The following CTNNA2 variants were observed in gnomAD, a reference collection of about 807,000 sequenced individuals.
The protein encoded by CTNNA2 is catenin alpha 2, also known as catenin alpha-2.
A neutral mutation model predicts 101.0 loss-of-function variants in CTNNA2; 42 were observed. The ratio of observed to expected loss-of-function variants is 0.42; its 90% confidence interval spans 0.32 to 0.54. The LOEUF (loss-of-function observed/expected upper bound fraction) is 0.54, where lower values mean the gene tolerates loss of function less well. Among genes scored for constraint, CTNNA2 ranks in the 20% least tolerant of loss-of-function variants. The probability of loss-of-function intolerance (pLI) is 0.14; values close to 1 mark genes in which losing one functional copy is unlikely to be tolerated. For synonymous variants in CTNNA2, 450 were observed against 456.4 expected, an observed-to-expected ratio of 0.99 and a Z score of 0.18; for missense variants, 871 against 1,223.1, an observed-to-expected ratio of 0.71 and a Z score of 4.29.
At chr2:79,295,028 T>C (rs1453392652) in intron 2 of CTNNA2, among the ~76,000 whole-genome samples, 2 of 142,794 alleles carry the variant, frequency 1.4e-5, no homozygotes, top group East Asian at 3.9e-4. Context: ...TGTGTATGCG[T>C]GTGTGTATTT....
At chr2:80,632,383 A>T (rs1223997834) in intron 18 of CTNNA2, among the ~76,000 whole-genome samples, 32 of 152,072 alleles carry the variant, frequency 2.1e-4, no homozygotes, top group Admixed American at 2.1e-3. Context: ...ATCACCAAGG[A>T]CAGGCTCATC....
chr2:79,459,861 T>C (rs893039022), intron 4 of CTNNA2, among the ~76,000 whole-genome samples: 4 of 152,232 alleles, frequency 2.6e-5, no homozygotes, highest in African/African-American at 9.6e-5. Flanking sequence ...ATTCAACTCT[T>C]ACGTTGCAGC....
intron 7 of CTNNA2, among the ~76,000 whole-genome samples, chr2:80,362,824 C>T (rs993773143): frequency 4.0e-5 from 6 of 151,828 alleles, no homozygotes; most frequent in South Asian, 2.1e-4. Context: ...GTAGTATTAA[C>T]AATAAATGTT....
intron 1 of CTNNA2, among the ~76,000 whole-genome samples, chr2:79,534,905 A>T (rs967696401): frequency 8.6e-5 from 13 of 151,714 alleles, no homozygotes; most frequent in East Asian, 3.9e-4. Flanking sequence ...GAAGGGTGAA[A>T]AAAAAAAACT....
intron 11 of CTNNA2, among the ~76,000 whole-genome samples, chr2:80,553,881 G>A (rs997337): frequency 1.3e-5 from 2 of 151,886 alleles, no homozygotes; most frequent in African/African-American, 4.8e-5. Flanking sequence ...GTGTTCACAT[G>A]TTTAATCATG....
intron 7 of CTNNA2, among the ~76,000 whole-genome samples, chr2:80,281,357 G>C (rs911224878): frequency 5.3e-5 from 8 of 152,112 alleles, no homozygotes; most frequent in Non-Finnish European, 1.2e-4. Flanking sequence ...CAGCTTCTGA[G>C]GGTTTAATCT....
chr2:80,420,034 GAAAAA>G (rs527701227), intron 9 of CTNNA2, among the ~76,000 whole-genome samples: 31 of 37,548 alleles, frequency 8.3e-4, no homozygotes, highest in African/African-American at 2.0e-3. Context: ...GGGAACTTGT[GAAAAA>G]AAAAAAAAAA....
chr2:80,364,750 A>G (rs1674759515), intron 7 of CTNNA2, among the ~76,000 whole-genome samples: 1 of 152,074 alleles, frequency 6.6e-6, no homozygotes, highest in Admixed American at 6.6e-5. Context: ...GCCTGCAGAG[A>G]ATCCTTTTGT....
At chr2:80,203,040 T>G (rs557324420) in intron 7 of CTNNA2, among the ~76,000 whole-genome samples, 19 of 152,278 alleles carry the variant, frequency 1.2e-4, no homozygotes, top group Middle Eastern at 3.4e-3. Flanking sequence ...AACCATGAGC[T>G]CTCATGACAC....
chr2:79,273,174 A>G (rs56030412), intron 2 of CTNNA2, among the ~76,000 whole-genome samples: 8 of 152,040 alleles, frequency 5.3e-5, no homozygotes, highest in African/African-American at 1.9e-4. Flanking sequence ...TATAATATTT[A>G]TTTTGTATCA....
chr2:79,644,026 T>G (rs1426197770), intron 1 of CTNNA2, among the ~76,000 whole-genome samples: 3 of 152,046 alleles, frequency 2.0e-5, no homozygotes, highest in Non-Finnish European at 4.4e-5. Context: ...AGGAGAAAGA[T>G]CTGATTTTTG....
At chr2:80,111,813 C>A (rs950020460) in intron 7 of CTNNA2, among the ~76,000 whole-genome samples, 6 of 152,190 alleles carry the variant, frequency 3.9e-5, no homozygotes, top group African/African-American at 1.4e-4. Flanking sequence ...TAGGCATGAG[C>A]CACTGTGTTT....
chr2:80,434,939 T>C (rs1198827396), intron 9 of CTNNA2, among the ~76,000 whole-genome samples: 1 of 152,148 alleles, frequency 6.6e-6, no homozygotes, highest in Non-Finnish European at 1.5e-5. Flanking sequence ...GTAGAGATTA[T>C]GGAAATCAAA....
chr2:79,202,629 A>G (rs1674051973), intron 2 of CTNNA2, among the ~76,000 whole-genome samples: 2 of 152,258 alleles, frequency 1.3e-5, no homozygotes, highest in South Asian at 4.1e-4. Flanking sequence ...ATTTTCTTTA[A>G]TCCTATGAGA....
intron 2 of CTNNA2, among the ~76,000 whole-genome samples, chr2:79,666,860 G>GTTCA (rs1332418888): frequency 6.6e-6 from 1 of 152,180 alleles, no homozygotes; most frequent in African/African-American, 2.4e-5. Flanking sequence ...TACATCTCCA[G>GTTCA]TTCACCTGTC....
chr2:80,444,680 G>A (rs1362547930), intron 9 of CTNNA2, among the ~76,000 whole-genome samples: 1 of 152,122 alleles, frequency 6.6e-6, no homozygotes, highest in East Asian at 1.9e-4. Flanking sequence ...CCTATGATGT[G>A]ATTAGCGTCC....
chr2:80,385,155 G>A (rs1429159938), intron 7 of CTNNA2, among the ~76,000 whole-genome samples: 1 of 152,180 alleles, frequency 6.6e-6, no homozygotes, highest in Non-Finnish European at 1.5e-5. Flanking sequence ...CTAAATGCTT[G>A]TGTCCCCTCA....
chr2:80,265,211 G>A (rs561592889), intron 7 of CTNNA2, among the ~76,000 whole-genome samples: 7 of 152,218 alleles, frequency 4.6e-5, no homozygotes, highest in African/African-American at 1.7e-4. Context: ...CTGACCTCAG[G>A]AGATCTGCCT....
chr2:79,866,010 C>T (rs545678632), intron 4 of CTNNA2, among the ~76,000 whole-genome samples: 7 of 152,330 alleles, frequency 4.6e-5, no homozygotes, highest in South Asian at 2.1e-4. Flanking sequence ...TGAGCCACCG[C>T]GGCCAGCCTG....
Sources: allele counts gnomAD v4.1 joint callset (sites outside exome capture counted in the v4.1 genomes callset), GRCh38; gene constraint gnomAD v4.1.1; transcripts MANE v1.5; gene names NCBI Gene and HGNC (gene_info 2026-07-23, HGNC 2026-07-21).